The following ADAM10 variants were observed in gnomAD, a reference collection of about 807,000 sequenced individuals.
The protein encoded by ADAM10 is disintegrin and metalloproteinase domain-containing protein 10.
ADAM10 carries 17 observed loss-of-function variants against 90.1 expected under a neutral mutation model. That is an observed-to-expected ratio of 0.19 (90% confidence interval 0.13 to 0.28). The LOEUF (loss-of-function observed/expected upper bound fraction) is 0.28, where lower values mean the gene tolerates loss of function less well. Ranked by LOEUF, ADAM10 falls within the 10% of genes least tolerant of loss-of-function variation. The pLI, the probability that ADAM10 is intolerant of heterozygous loss-of-function variation, is 1.00. For synonymous variants in ADAM10, 310 were observed against 298.6 expected (o/e 1.04, Z -0.40); for missense variants, 610 against 914.3 (o/e 0.67, Z 4.29).
chr15:58,736,236 G>C (rs1351050146), intron 1 of ADAM10, among the ~76,000 whole-genome samples: 1 of 152,096 alleles, frequency 6.6e-6, no homozygotes, highest in African/African-American at 2.4e-5. Flanking sequence ...CACCCTACAA[G>C]ATAGTTACTC....
At chr15:58,642,286 T>C (rs1043924269) in intron 7 of ADAM10, among the ~76,000 whole-genome samples, 2 of 152,006 alleles carry the variant, frequency 1.3e-5, no homozygotes, top group Non-Finnish European at 2.9e-5. Context: ...GCCAACATGG[T>C]GAAACCCTGT....
At chr15:58,636,233 T>C (rs954774887) in intron 8 of ADAM10, among the ~76,000 whole-genome samples, 48 of 150,182 alleles carry the variant, frequency 3.2e-4, no homozygotes, top group Non-Finnish European at 1.5e-4. Context: ...GCAGAGATCA[T>C]GCCACTGCAC....
At chr15:58,639,370 T>C (rs1346811463) in intron 8 of ADAM10, among the ~76,000 whole-genome samples, 2 of 152,212 alleles carry the variant, frequency 1.3e-5, no homozygotes, top group Non-Finnish European at 1.5e-5. Context: ...ACAGCTACTG[T>C]ATTAATGGAT....
chr15:58,631,505 GAGCACCAGC>G (rs1354449621), intron 9 of ADAM10, among the ~76,000 whole-genome samples: 24 of 152,274 alleles, frequency 1.6e-4, no homozygotes, highest in Middle Eastern at 3.4e-3. Context: ...GTTCACAGAT[GAGCACCAGC>G]AGCAGCAGCA....
chr15:58,681,714 G>C (rs1368170522), intron 3 of ADAM10, among the ~76,000 whole-genome samples: 1 of 152,166 alleles, frequency 6.6e-6, no homozygotes, highest in African/African-American at 2.4e-5. Flanking sequence ...ATTTGATGCA[G>C]CAAGAGAAAT....
chr15:58,696,769 T>C (rs1897991359), intron 2 of ADAM10, among the ~76,000 whole-genome samples: 1 of 152,140 alleles, frequency 6.6e-6, no homozygotes, highest in Admixed American at 6.5e-5. Context: ...CTGGCCAATA[T>C]CGATTTCATA....
At chr15:58,661,463 T>C (rs1223138378) in intron 5 of ADAM10, among the ~76,000 whole-genome samples, 1 of 152,194 alleles carries the variant, frequency 6.6e-6, no homozygotes, top group African/African-American at 2.4e-5. Flanking sequence ...ACTTTGAAGA[T>C]GTTATTCTAT....
chr15:58,626,223 T>C (rs1484298458), intron 10 of ADAM10, among the ~76,000 whole-genome samples: 1 of 152,072 alleles, frequency 6.6e-6, no homozygotes, highest in African/African-American at 2.4e-5. Context: ...CATGATATTG[T>C]ACTACAGTCT....
intron 1 of ADAM10, among the ~76,000 whole-genome samples, chr15:58,740,135 C>T (rs1351559174): frequency 1.4e-5 from 2 of 138,230 alleles, no homozygotes; most frequent in Middle Eastern, 3.6e-3. Flanking sequence ...TATCAAAGCT[C>T]GGCATGGTGG....
Position 58,749,669 on chromosome 15 carries a change from G to T in ADAM10, c.-135C>A. 2.7e-6 allele frequency: 4 copies of T among 1,473,848 alleles called. No homozygotes were observed. In the South Asian group the frequency reaches 5.2e-5, roughly 19 times the overall value. The allele number at this position is 1,473,848 out of a possible 1,614,324, so 91.3% of individuals were successfully genotyped here. A position where few individuals can be genotyped will look rare whatever the true frequency, so the allele number is the denominator to read the frequency against. Reference sequence around the variant, plus strand: ...GACCTCCCCTGGCAGGAGAAACGGCGAAGCACCTCCCTCTCGCTCCACTTC... The same window carrying T: ...GACCTCCCCTGGCAGGAGAAACGGCTAAGCACCTCCCTCTCGCTCCACTTC... On this transcript the variant is annotated 5_prime_UTR_variant, in exon 1 of 16. Coordinates refer to ENST00000260408, the MANE Select transcript of ADAM10 (RefSeq NM_001110.4).
At chr15:58,739,014 T>C (rs1326660852) in intron 1 of ADAM10, among the ~76,000 whole-genome samples, 1 of 152,112 alleles carries the variant, frequency 6.6e-6, no homozygotes, top group Non-Finnish European at 1.5e-5. Flanking sequence ...AACTCACCCT[T>C]TTCCCATAAG....
chr15:58,646,278 C>T (rs1319747141), intron 5 of ADAM10, 74 bp from the exon 6 acceptor site: 2 of 1,425,708 alleles, frequency 1.4e-6, no homozygotes, highest in African/African-American at 2.9e-5. Flanking sequence ...AGAATACATA[C>T]TATAAACAAT....
chr15:58,622,303 T>C (rs1477593514), intron 10 of ADAM10, among the ~76,000 whole-genome samples: 1 of 152,182 alleles, frequency 6.6e-6, no homozygotes, highest in Admixed American at 6.5e-5. Flanking sequence ...AGCCAAGCCA[T>C]GTTCAATTTT....
intron 1 of ADAM10, among the ~76,000 whole-genome samples, chr15:58,745,968 C>G (rs1189306960): frequency 6.6e-6 from 1 of 152,126 alleles, no homozygotes; most frequent in African/African-American, 2.4e-5. Flanking sequence ...ATCATTAGCT[C>G]AAACTTAAAG....
chr15:58,727,642 T>C (rs568979485), intron 1 of ADAM10, among the ~76,000 whole-genome samples: 1 of 152,140 alleles, frequency 6.6e-6, no homozygotes, highest in African/African-American at 2.4e-5. Flanking sequence ...TGTTATTTTT[T>C]AAAAAAGGAA....
At chr15:58,745,718 T>C (rs1031329515) in intron 1 of ADAM10, among the ~76,000 whole-genome samples, 1 of 152,114 alleles carries the variant, frequency 6.6e-6, no homozygotes, top group South Asian at 2.1e-4. Context: ...GGGAACAACA[T>C]ACCCACAGTA....
At chr15:58,622,340 G>T (rs1344551259) in intron 10 of ADAM10, among the ~76,000 whole-genome samples, 1 of 152,082 alleles carries the variant, frequency 6.6e-6, no homozygotes, top group Non-Finnish European at 1.5e-5. Flanking sequence ...ACAATTTGTT[G>T]CTGTGAATCA....
At chr15:58,690,077 G>C (rs1301473768) in intron 2 of ADAM10, among the ~76,000 whole-genome samples, 1 of 151,364 alleles carries the variant, frequency 6.6e-6, no homozygotes, top group African/African-American at 2.4e-5. Flanking sequence ...GAAGTAATAA[G>C]AGGCTGGCTT....
chr15:58,638,133 T>G (rs1311077270), intron 8 of ADAM10, among the ~76,000 whole-genome samples: 1 of 152,124 alleles, frequency 6.6e-6, no homozygotes, highest in Non-Finnish European at 1.5e-5. Flanking sequence ...CAGCAGCTCT[T>G]AGAAGATGGC....
Sources: allele counts gnomAD v4.1 joint callset (sites outside exome capture counted in the v4.1 genomes callset), GRCh38; gene constraint gnomAD v4.1.1; transcripts MANE v1.5; gene names NCBI Gene and HGNC (gene_info 2026-07-23, HGNC 2026-07-21).